CLVS1: variants seen among roughly 807,000 people sequenced by gnomAD.
The protein encoded by CLVS1 is clavesin-1.
Under a neutral mutation model 33.1 loss-of-function variants are expected in CLVS1, and 10 were observed. The observed-to-expected ratio is 0.30, with a 90% CI of 0.19 to 0.51. CLVS1 has a LOEUF of 0.51. CLVS1 is among the 20% of genes least tolerant of loss of function. CLVS1 has a pLI of 0.97. For synonymous variants in CLVS1, 163 were observed against 166.1 expected (o/e 0.98, Z 0.14); for missense variants, 343 against 433.4 (o/e 0.79, Z 1.85).
the CLVS1 span, among the ~76,000 whole-genome samples, chr8:61,010,893 C>T: frequency 2.0e-5 from 3 of 152,238 alleles, no homozygotes; most frequent in Admixed American, 2.0e-4. Context: ...AGAAGCAGCG[C>T]AGCGCCTGGC....
intron 2 of CLVS1, among the ~76,000 whole-genome samples, chr8:61,176,580 C>A (rs1316652999): frequency 6.6e-6 from 1 of 152,118 alleles, no homozygotes; most frequent in Non-Finnish European, 1.5e-5. Context: ...TGGTCAGAGG[C>A]TCACATTGAA....
At chr8:61,341,783 G>C (rs1812038587) in intron 2 of CLVS1, among the ~76,000 whole-genome samples, 1 of 152,192 alleles carries the variant, frequency 6.6e-6, no homozygotes, top group African/African-American at 2.4e-5. Flanking sequence ...GATTGGGATA[G>C]AGCCACTGGA....
At chr8:61,379,467 C>A (rs1476807695) in intron 3 of CLVS1, among the ~76,000 whole-genome samples, 2 of 148,398 alleles carry the variant, frequency 1.3e-5, no homozygotes, top group Admixed American at 6.8e-5. Context: ...ACAGCCCAAT[C>A]TTTAGGCAGT....
At chr8:61,421,814 G>C (rs929940822) in intron 3 of CLVS1, among the ~76,000 whole-genome samples, 2 of 152,116 alleles carry the variant, frequency 1.3e-5, no homozygotes, top group African/African-American at 4.8e-5. Context: ...TGTGAAGAGA[G>C]AGCCAATTGC....
intron 2 of CLVS1, among the ~76,000 whole-genome samples, chr8:61,334,560 T>G (rs1288739432): frequency 6.6e-6 from 1 of 152,204 alleles, no homozygotes; most frequent in Non-Finnish European, 1.5e-5. Flanking sequence ...ACTGTCCATA[T>G]GAGTAAGCAA....
the CLVS1 span, among the ~76,000 whole-genome samples, chr8:61,021,147 T>G: frequency 1.3e-5 from 2 of 152,200 alleles, no homozygotes; most frequent in Non-Finnish European, 2.9e-5. Flanking sequence ...TTCAAGAGCC[T>G]GCAATATAAA....
chr8:61,271,853 T>C (rs1809444986), intron 2 of CLVS1, among the ~76,000 whole-genome samples: 1 of 150,682 alleles, frequency 6.6e-6, no homozygotes, highest in African/African-American at 2.4e-5. Flanking sequence ...CCTTTTTTTG[T>C]TTTCCATTTG....
intron 5 of CLVS1, among the ~76,000 whole-genome samples, chr8:61,493,666 T>C (rs974399324): frequency 6.6e-6 from 1 of 152,236 alleles, no homozygotes; most frequent in Non-Finnish European, 1.5e-5. Context: ...TAGAATTATT[T>C]GAAGACACCT....
At chr8:61,381,766 A>G (rs1016464071) in intron 3 of CLVS1, among the ~76,000 whole-genome samples, 15 of 152,138 alleles carry the variant, frequency 9.9e-5, no homozygotes, top group Admixed American at 3.9e-4. Context: ...AAAGGACAGG[A>G]TTTCATTCTT....
intron 2 of CLVS1, among the ~76,000 whole-genome samples, chr8:61,250,536 T>C (rs1204120721): frequency 1.3e-5 from 2 of 152,234 alleles, no homozygotes; most frequent in Non-Finnish European, 2.9e-5. Context: ...ATATTGGTTC[T>C]TCTCATCCAT....
At chr8:61,212,971 C>A (rs1192037419) in intron 2 of CLVS1, among the ~76,000 whole-genome samples, 1 of 152,064 alleles carries the variant, frequency 6.6e-6, no homozygotes, top group Non-Finnish European at 1.5e-5. Flanking sequence ...AAGGATCTGA[C>A]CAAGCCCACC....
chr8:60,988,806 T>C, the CLVS1 span, among the ~76,000 whole-genome samples: 1 of 152,226 alleles, frequency 6.6e-6, no homozygotes, highest in Non-Finnish European at 1.5e-5. Context: ...GAAAAGAATG[T>C]AGGGAAACAT....
chr8:61,063,185 A>C (rs1167440408), intron 1 of CLVS1, among the ~76,000 whole-genome samples: 2 of 151,892 alleles, frequency 1.3e-5, no homozygotes, highest in Non-Finnish European at 2.9e-5. Flanking sequence ...ACAGGAAGAC[A>C]GACCTATAAA....
chr8:61,318,984 A>AT (rs1411318366), intron 2 of CLVS1, among the ~76,000 whole-genome samples: 1 of 151,918 alleles, frequency 6.6e-6, no homozygotes, highest in Non-Finnish European at 1.5e-5. Flanking sequence ...TTTTAATACT[A>AT]TTTTTCATAA....
At chr8:61,399,389 G>T (rs1200532674) in intron 3 of CLVS1, among the ~76,000 whole-genome samples, 1 of 151,918 alleles carries the variant, frequency 6.6e-6, no homozygotes, top group African/African-American at 2.4e-5. Context: ...TTTTTAATGG[G>T]GTTGTTTTCT....
At chr8:61,215,248 G>A (rs543664803) in intron 2 of CLVS1, among the ~76,000 whole-genome samples, 23 of 152,202 alleles carry the variant, frequency 1.5e-4, no homozygotes, top group African/African-American at 5.3e-4. Flanking sequence ...TTTTTAAGCT[G>A]TATTAAATAT....
intron 2 of CLVS1, among the ~76,000 whole-genome samples, chr8:61,144,879 G>C (rs1351265824): frequency 1.3e-5 from 2 of 152,142 alleles, no homozygotes; most frequent in Non-Finnish European, 2.9e-5. Flanking sequence ...ACAGGTGCCC[G>C]CTGCCACACC....
intron 2 of CLVS1, among the ~76,000 whole-genome samples, chr8:61,330,781 C>T (rs1218645215): frequency 6.6e-6 from 1 of 152,094 alleles, no homozygotes; most frequent in Non-Finnish European, 1.5e-5. Context: ...AGATACACTG[C>T]AGGTTGAAAA....
intron 2 of CLVS1, among the ~76,000 whole-genome samples, chr8:61,171,192 G>A (rs1000798895): frequency 3.3e-5 from 5 of 152,014 alleles, no homozygotes; most frequent in Admixed American, 6.6e-5. Flanking sequence ...CAGCAAATTC[G>A]AAAACATTTT....
Sources: gnomAD v4.1 joint callset for allele counts (sites outside exome capture counted in the v4.1 genomes callset) on GRCh38, gnomAD v4.1.1 for gene constraint, MANE v1.5 for transcripts, NCBI Gene and HGNC (gene_info 2026-07-23, HGNC 2026-07-21) for gene names.